Variants in MOV10L1 observed in about 807,000 individuals in gnomAD.
The protein encoded by MOV10L1 is RNA helicase Mov10l1.
MOV10L1 carries 110 observed loss-of-function variants against 143.8 expected under a neutral mutation model. The observed-to-expected ratio is 0.76, with a 90% CI of 0.66 to 0.90. The LOEUF (loss-of-function observed/expected upper bound fraction) is 0.90, where lower values mean the gene tolerates loss of function less well. MOV10L1 is among the 40% of genes least tolerant of loss of function. The probability of loss-of-function intolerance (pLI) is 0.00; values close to 1 mark genes in which losing one functional copy is unlikely to be tolerated. For missense variants in MOV10L1, 1,406 were observed against 1,526.8 expected (o/e 0.92, Z 1.32); for synonymous variants, 593 against 581.1 (o/e 1.02, Z -0.29).
At chr22:50,115,328 T>G in intron 8 of MOV10L1, 82 bp downstream of exon 8, 1 of 1,387,876 alleles carries the variant, frequency 7.2e-7, no homozygotes, top group Non-Finnish European at 9.4e-7. Flanking sequence ...AAGGTACTCC[T>G]TTGTGGCGGG....
In MOV10L1 at chr22:50,153,470, C is replaced by T. The variant is rs572512203; in HGVS notation, c.3066+252C>T. Among the ~76,000 whole-genome samples, 4 of 152,356 alleles carry T rather than the reference C, an allele frequency of 2.6e-5. No homozygotes were observed. In the South Asian group the frequency reaches 8.3e-4, roughly 32 times the overall value. ...CTCAGGTGGTCACAGCAGACAAGCA[C>T]TGGGCTCCAAGAGAAGCGAAGCTGC... On this transcript the variant is annotated intron_variant, in intron 22 of 26. Coordinates refer to ENST00000262794, the MANE Select transcript of MOV10L1 (RefSeq NM_018995.3).
intron 22 of MOV10L1, among the ~76,000 whole-genome samples, chr22:50,156,319 T>A (rs959041410): frequency 5.3e-5 from 8 of 152,102 alleles, no homozygotes; most frequent in African/African-American, 1.9e-4. Context: ...TTTCACCATG[T>A]TGGCCAGGCT....
chr22:50,151,143 A>C (rs149240375), intron 21 of MOV10L1, among the ~76,000 whole-genome samples: 1 of 152,260 alleles, frequency 6.6e-6, no homozygotes, highest in Non-Finnish European at 1.5e-5. Context: ...CGTTAAGAAA[A>C]GCAAGAAATA....
At chr22:50,096,650 C>CT (rs940668220) in intron 2 of MOV10L1, among the ~76,000 whole-genome samples, 13 of 151,562 alleles carry the variant, frequency 8.6e-5, no homozygotes, top group African/African-American at 2.2e-4. Flanking sequence ...TTTTCTTTTT[C>CT]TTTTTTTTTC....
intron 5 of MOV10L1, among the ~76,000 whole-genome samples, chr22:50,111,043 A>C (rs1602177060): frequency 6.8e-6 from 1 of 147,832 alleles, no homozygotes; most frequent in South Asian, 2.2e-4. Flanking sequence ...GCTCTGACCC[A>C]CCCCCTCCCT....
At chr22:50,138,946 C>T (rs1191052793) in intron 15 of MOV10L1, among the ~76,000 whole-genome samples, 1 of 152,072 alleles carries the variant, frequency 6.6e-6, no homozygotes, top group Non-Finnish European at 1.5e-5. Flanking sequence ...TCATGATCCG[C>T]CCACCTCAGC....
intron 18 of MOV10L1, 85 bp downstream of exon 18, chr22:50,144,328 G>T: frequency 6.8e-7 from 1 of 1,466,568 alleles, no homozygotes; most frequent in Non-Finnish European, 9.1e-7. Flanking sequence ...GAGGGCAGGG[G>T]TAGGAGGGTG....
chr22:50,092,308 G>T, intron 2 of MOV10L1, 123 bp downstream of exon 2: 3 of 849,588 alleles, frequency 3.5e-6, no homozygotes, highest in East Asian at 2.6e-5. Context: ...GTACCTTCAA[G>T]GGGATGCTTT....
chr22:50,118,802 C>T (rs536514687), intron 9 of MOV10L1, among the ~76,000 whole-genome samples: 69 of 152,294 alleles, frequency 4.5e-4, no homozygotes, highest in African/African-American at 1.5e-3. Context: ...TCCAGTTGTC[C>T]ATCTTGGTTC....
rs766875845 is a variant in MOV10L1 at position 50,161,020 on chromosome 22, A to G, written c.3519A>G (p.Gly1173=). 1.2e-6 allele frequency: 2 copies of G among 1,614,134 alleles called. No individual in the cohort carries two copies. The highest frequency in any genetic ancestry group is 1.7e-6 in the Non-Finnish European group (2 of 1,180,000). ...GTATTACAAACGGTGTTTACATGGGATGCGATTTACCTCCTGCACTGCAGT... is the reference window on the plus strand; with the variant it reads ...GTATTACAAACGGTGTTTACATGGGGTGCGATTTACCTCCTGCACTGCAGT... ...EYSITNGVYM[G]CDLPPALQSL... is the part of the protein sequence containing the mutation. The change falls in exon 26 of 27, where the codon GGA becomes GGG. Residue 1173 remains glycine (G), a synonymous_variant. Transcript: ENST00000262794.
At chr22:50,146,888 G>T in intron 19 of MOV10L1, 4 of 609,190 alleles carry the variant, frequency 6.6e-6, no homozygotes, top group Non-Finnish European at 8.8e-6. Context: ...ATTTTTTTTG[G>T]TTCAAGTCTT....
chr22:50,108,517 C>A, intron 4 of MOV10L1, 140 bp from the exon 5 acceptor site: 1 of 891,176 alleles, frequency 1.1e-6, no homozygotes, highest in Non-Finnish European at 1.8e-6. Context: ...TGGAGAATCA[C>A]TGGACCAGTG....
At position 50,152,532 on chromosome 22, in the gene MOV10L1, C is replaced by T. The variant is rs546606036; in HGVS notation, c.2893-513C>T. Among the ~76,000 whole-genome samples the T allele has an allele frequency of 2.0e-5, 3 of 152,266 alleles. No individual in the cohort carries two copies. The highest frequency in any genetic ancestry group is 1.9e-4 in the East Asian group (1 of 5,170). On this transcript the variant is annotated intron_variant, in intron 21 of 26. Transcript: ENST00000262794. This position sits in a 1 kb window ranked among gnomAD's most constrained non-coding sequence, Gnocchi z 4.4. ...TGGTGATATCACAGTCACCCTCAGC[C>T]GCATCAGTGAAGTCACAGCCAGGCC...
At chr22:50,149,465 C>T (rs993054695) in intron 19 of MOV10L1, 150 bp from the exon 20 acceptor site, 3 of 653,040 alleles carry the variant, frequency 4.6e-6, no homozygotes, top group African/African-American at 1.8e-5. Flanking sequence ...TCCCTCCAGC[C>T]GGGTGACACC....
chr22:50,138,814 C>T (rs2062902807), intron 15 of MOV10L1, among the ~76,000 whole-genome samples: 1 of 152,108 alleles, frequency 6.6e-6, no homozygotes, highest in African/African-American at 2.4e-5. Context: ...AGCAGTTCTC[C>T]TGCCTCGGCC....
intron 3 of MOV10L1, among the ~76,000 whole-genome samples, chr22:50,103,919 C>T (rs1460903771): frequency 2.0e-5 from 3 of 152,122 alleles, no homozygotes; most frequent in African/African-American, 7.2e-5. Flanking sequence ...ATTTATTGTG[C>T]ACTTTATTTC....
chr22:50,157,933 C>A, intron 22 of MOV10L1, 124 bp from the exon 23 acceptor site: 2 of 1,186,508 alleles, frequency 1.7e-6, no homozygotes, highest in African/African-American at 1.5e-5. Context: ...AAGTTCTGCA[C>A]GAGAGCAGGG....
rs369184694 is a variant in MOV10L1, at chr22:50,146,330, T to A, written c.2627+520T>A. Among the ~76,000 whole-genome samples, 6 of 151,870 alleles carry A rather than the reference T, an allele frequency of 4.0e-5. No individual in the cohort carries two copies. The South Asian group carries it at 1.0e-3, about 26-fold the overall frequency. On this transcript the variant is annotated intron_variant, in intron 19 of 26. Transcript: ENST00000262794. ...CATTTGTGTCCCTGGCGCTGGGGGC[T>A]CTTCAGGGGAGACAGGCGGAGGAGA...
At chr22:50,142,248 G>A in intron 16 of MOV10L1, 59 bp downstream of exon 16, 1 of 1,400,770 alleles carries the variant, frequency 7.1e-7, no homozygotes. Context: ...CTGGAAAACG[G>A]GGACTTTGAG....
Sources: allele counts gnomAD v4.1 joint callset (sites outside exome capture counted in the v4.1 genomes callset), GRCh38; gene constraint gnomAD v4.1.1; non-coding constraint Gnocchi (gnomAD v3.1); transcripts MANE v1.5; gene names NCBI Gene and HGNC (gene_info 2026-07-23, HGNC 2026-07-21).